Variants in ZNF446 observed in about 807,000 individuals in gnomAD.
The protein encoded by ZNF446 is zinc finger protein with KRAB and SCAN domains 20.
In ZNF446, 42 loss-of-function variants were observed where a neutral mutation model predicts 34.0. That is an observed-to-expected ratio of 1.23 (90% CI 0.96 to 1.60). The LOEUF is 1.60. Ranked by LOEUF, ZNF446 falls within the 40% of genes most tolerant of loss-of-function variation. ZNF446 has a pLI of 0.00. For synonymous variants in ZNF446, 315 were observed against 251.0 expected, an observed-to-expected ratio of 1.25 and a Z score of -2.41; for missense variants, 650 against 600.2, an observed-to-expected ratio of 1.08 and a Z score of -0.87.
At chr19:58,486,946 G>T in the ZNF446 span, among the ~76,000 whole-genome samples, 4 of 151,722 alleles carry the variant, frequency 2.6e-5, no homozygotes, top group South Asian at 8.3e-4. Flanking sequence ...GGGACTACAG[G>T]TGCCCGCCAC....
rs140158663 is a variant in ZNF446 at position 58,479,708 on chromosome 19, C to T, written c.693C>T (p.Tyr231=). The change falls in exon 5 of 7, where the codon TAC becomes TAT. Residue 231 remains tyrosine, a synonymous_variant. Transcript: ENST00000594369. ...ACTGGGATGCGATGCTGGAGAAGTA[C>T]GGCACAGTGGTCTCCCTGGGTGAGG... ...ELYWDAMLEK[Y]GTVVSLGLPP... 2.5e-4 allele frequency: 397 copies of T among 1,613,284 alleles called. 3 individuals are homozygous for T. In the African/African-American group the frequency reaches 3.5e-3, roughly 14 times the overall value.
intron 3 of ZNF446, 123 bp from the exon 4 acceptor site, chr19:58,477,964 G>T: frequency 7.6e-7 from 1 of 1,313,540 alleles, no homozygotes; most frequent in Admixed American, 2.6e-5. Flanking sequence ...CTGGGATGGG[G>T]ACCTGGGAGG....
the ZNF446 span, among the ~76,000 whole-genome samples, chr19:58,486,400 T>C: frequency 6.7e-6 from 1 of 150,334 alleles, no homozygotes; most frequent in South Asian, 2.1e-4. Flanking sequence ...TCAGCTAACT[T>C]TCAGTTTTTG....
chr19:58,481,939 A>G (rs576844393), downstream of ZNF446, among the ~76,000 whole-genome samples: 11 of 152,014 alleles, frequency 7.2e-5, no homozygotes, highest in South Asian at 2.1e-4. Flanking sequence ...GACTACAGAC[A>G]CCCGCCACCA....
In ZNF446 at chr19:58,477,205, C is replaced by T. The variant is rs371864951; in HGVS notation, c.-14C>T. 2.6e-6 allele frequency: 4 copies of T among 1,535,142 alleles called. No individual in the cohort carries two copies. The African/African-American group carries it at 4.1e-5, about 16-fold the overall frequency. On this transcript the variant is annotated 5_prime_UTR_variant, in exon 2 of 7. Transcript: ENST00000594369. ...CCCATCTTGACGATTCCAAGACCACCCCCTTGAGCAAGAATGCCATCCCCT... is the reference window on the plus strand; with the variant it reads ...CCCATCTTGACGATTCCAAGACCACTCCCTTGAGCAAGAATGCCATCCCCT...
chr19:58,479,899 C>A, intron 5 of ZNF446, 31 bp from the exon 6 acceptor site: 1 of 1,536,230 alleles, frequency 6.5e-7, no homozygotes, highest in East Asian at 2.4e-5. Context: ...CATGCAAACC[C>A]CATGCCTAAC....
chr19:58,480,682 C>A lies in ZNF446; in HGVS notation c.1309C>A (p.Gln437Lys), dbSNP rs758250273. The A allele has an allele frequency of 1.1e-5, 17 of 1,609,854 alleles. No homozygotes were observed. Among genetic ancestry groups the A allele is most frequent in the Non-Finnish European group, 1.3e-5 (15 of 1,179,728 alleles). The change falls in exon 7 of 7, where the codon CAG becomes AAG. Residue 437 changes from glutamine to lysine, a missense_variant. Gln to Lys is a moderately conservative substitution (Grantham distance 53). Coordinates refer to ENST00000594369, the MANE Select transcript of ZNF446 (RefSeq NM_017908.4). The surrounding 1 kb of genome is among the most constrained non-coding windows in gnomAD (Gnocchi z 7.2). ...DCGRAFDWKS[Q>K]LVIHRKGHRP... The stretch of plus-strand genomic sequence containing the variant: ...TGGCCGCGCCTTCGACTGGAAGTCG[C>A]AGCTGGTCATCCACCGCAAGGGCCA...
rs1266328915 is a variant in ZNF446 at position 58,477,327 on chromosome 19, G to A, written c.109G>A (p.Val37Met). ...LRFRGFCYQE[V>M]AGPREALARL... Reference sequence around the variant, plus strand: ...CTTCCGAGGGTTCTGCTACCAGGAGGTGGCAGGTCCCCGAGAAGCCCTGGC... The same window carrying A: ...CTTCCGAGGGTTCTGCTACCAGGAGATGGCAGGTCCCCGAGAAGCCCTGGC... The change falls in exon 2 of 7, where the codon GTG becomes ATG. Residue 37 changes from valine (V) to methionine (M), a missense_variant. Physicochemically the swap from Val to Met is conservative, Grantham distance 21. Transcript: ENST00000594369. 1.2e-6 allele frequency: 2 copies of A among 1,613,378 alleles called. No individual in the cohort carries two copies. Among genetic ancestry groups the A allele is most frequent in the Non-Finnish European group, 1.7e-6 (2 of 1,179,996 alleles).
At chr19:58,482,342 G>T (rs575723040), downstream of ZNF446, among the ~76,000 whole-genome samples, 2 of 152,154 alleles carry the variant, frequency 1.3e-5, no homozygotes, top group South Asian at 2.1e-4. Flanking sequence ...TGCACACTTA[G>T]TCACACCGCA....
At chr19:58,477,851 T>G in intron 3 of ZNF446, 25 bp downstream of exon 3, 2 of 1,510,222 alleles carry the variant, frequency 1.3e-6, no homozygotes, top group East Asian at 2.3e-5. Context: ...CCACCAGAGA[T>G]GAGGGACTCC....
chr19:58,477,191 G>A lies in ZNF446; in HGVS notation c.-28G>A, dbSNP rs751321971. The A allele has an allele frequency of 1.9e-5, 29 of 1,513,264 alleles. No homozygotes were observed. In the African/African-American group the frequency reaches 2.2e-4, roughly 12 times the overall value. 93.7% of individuals were successfully genotyped at this position (1,513,264 alleles called of 1,614,324 possible). On this transcript the variant is annotated 5_prime_UTR_variant, in exon 2 of 7. Coordinates refer to ENST00000594369, the MANE Select transcript of ZNF446 (RefSeq NM_017908.4). ...TCCTTTTCTGTAGGCCCATCTTGAC[G>A]ATTCCAAGACCACCCCCTTGAGCAA...
chr19:58,478,879 C>T (rs1426563224), intron 4 of ZNF446, among the ~76,000 whole-genome samples: 1 of 151,970 alleles, frequency 6.6e-6, no homozygotes, highest in African/African-American at 2.4e-5. Context: ...CCCCCCACAC[C>T]TGAGACCAGA....
In ZNF446 at chr19:58,480,388, C is replaced by T. The variant is rs140898818; in HGVS notation, c.1015C>T (p.Arg339Cys). ...GCCCTACACGTGCGAGCAGTGTGGC[C>T]GCGGCTTCGACTGGAAGTCAGTGTT... is the stretch of plus-strand genomic sequence containing the variant. ...RKPYTCEQCG[R>C]GFDWKSVFVI... Residue 339 changes from arginine to cysteine, a missense_variant, in exon 7 of 7, where the codon CGC (arginine) becomes TGC (cysteine). Arg to Cys is a radical substitution (Grantham distance 180, BLOSUM62 -3). Coordinates refer to ENST00000594369, the MANE Select transcript of ZNF446 (RefSeq NM_017908.4). This position sits in a 1 kb window ranked among gnomAD's most constrained non-coding sequence, Gnocchi z 7.2. 20 of 1,611,096 alleles carry T rather than the reference C, an allele frequency of 1.2e-5. No individual in the cohort carries two copies. Among genetic ancestry groups the T allele is most frequent in the Admixed American group, 8.4e-5 (5 of 59,736 alleles).
Position 58,477,280 on chromosome 19 carries a change from A to T in ZNF446, c.62A>T (p.Glu21Val). The T allele has an allele frequency of 6.2e-7, 1 of 1,611,288 alleles. No homozygotes were observed. Among genetic ancestry groups the T allele is most frequent in the Non-Finnish European group, 8.5e-7 (1 of 1,178,954 alleles). Residue 21 changes from glutamate to valine, a missense_variant, in exon 2 of 7, where the codon GAG (glutamate) becomes GTG (valine). Transcript: ENST00000594369. Reference sequence around the variant, plus strand: ...ATGGACCCAGAGACCACCCTTGAGGAGCCTGAGACTGCCCGCCTCCGCTTC... The same window carrying T: ...ATGGACCCAGAGACCACCCTTGAGGTGCCTGAGACTGCCCGCCTCCGCTTC... ...PVMDPETTLE[E>V]PETARLRFRG...
downstream of ZNF446, among the ~76,000 whole-genome samples, chr19:58,482,543 A>G (rs942757399): frequency 7.2e-5 from 11 of 152,166 alleles, no homozygotes; most frequent in Non-Finnish European, 1.3e-4. Flanking sequence ...CAGCATGTGC[A>G]CAAGTCGCAG....
downstream of ZNF446, among the ~76,000 whole-genome samples, chr19:58,486,219 G>A (rs889361144): frequency 1.4e-5 from 2 of 146,726 alleles, no homozygotes; most frequent in African/African-American, 2.5e-5. Flanking sequence ...TCAGCCTCCC[G>A]ATAGCTGAGA....
chr19:58,480,705 C>T lies in ZNF446; in HGVS notation c.1332C>T (p.Gly444=), dbSNP rs370142101. 3.7e-6 allele frequency: 6 copies of T among 1,605,836 alleles called. No individual in the cohort carries two copies. Among genetic ancestry groups the T allele is most frequent in the South Asian group, 2.2e-5 (2 of 91,040 alleles). The change falls in exon 7 of 7, where the codon GGC becomes GGT. Residue 444 remains glycine (G), a synonymous_variant. Transcript: ENST00000594369. This position sits in a 1 kb window ranked among gnomAD's most constrained non-coding sequence, Gnocchi z 7.2. ...WKSQLVIHRK[G]HRPEVP ...CGCAGCTGGTCATCCACCGCAAGGG[C>T]CACCGGCCGGAGGTTCCATGAGCAG...
In ZNF446 at chr19:58,477,620, C is replaced by T; in HGVS notation, c.343-17C>T. On this transcript the variant is annotated splice_polypyrimidine_tract_variant and intron_variant, in intron 2 of 6. Transcript: ENST00000594369. The stretch of plus-strand genomic sequence containing the variant: ...AGACCCTGGCTAGAGCCATTGTGAC[C>T]TACCTCTTCTCCTCAGATCACAGCC... 1 of 1,613,638 alleles carries T rather than the reference C, an allele frequency of 6.2e-7. No homozygotes were observed. Among genetic ancestry groups the T allele is most frequent in the Middle Eastern group, 1.6e-4 (1 of 6,062 alleles).
Position 58,476,486 on chromosome 19 carries a change from G to C in ZNF446, c.-59G>C, listed in dbSNP as rs909391440. ...TCGGATAGGCCGGGTGTCAGGCCTG[G>C]TCTCTCAGGCCCGTCCAGGTGGGCG... On this transcript the variant is annotated 5_prime_UTR_variant, in exon 1 of 7. Transcript: ENST00000594369. 6.6e-6 allele frequency: 1 copy of C among 152,288 alleles called. No individual in the cohort carries two copies. Among genetic ancestry groups the C allele is most frequent in the Non-Finnish European group, 1.5e-5 (1 of 68,072 alleles). 9.4% of individuals were successfully genotyped at this position (152,288 alleles called of 1,614,324 possible).
Sources: gnomAD v4.1 joint callset for allele counts (sites outside exome capture counted in the v4.1 genomes callset) on GRCh38, gnomAD v4.1.1 for gene constraint, Gnocchi (gnomAD v3.1) non-coding constraint, MANE v1.5 for transcripts, NCBI Gene and HGNC (gene_info 2026-07-23, HGNC 2026-07-21) for gene names.